Variants in ZMYM1 observed in about 807,000 individuals in gnomAD.
The protein encoded by ZMYM1 is zinc finger MYM-type containing 1, also known as zinc finger MYM-type protein 1.
Under a neutral mutation model 60.0 loss-of-function variants are expected in ZMYM1, and 39 were observed. That is an observed-to-expected ratio of 0.65 (90% CI 0.50 to 0.85). The LOEUF (loss-of-function observed/expected upper bound fraction) is 0.85. Among genes scored for constraint, ZMYM1 ranks in the 40% least tolerant of loss-of-function variants. The probability of loss-of-function intolerance (pLI) is 0.00; values close to 1 mark genes in which losing one functional copy is unlikely to be tolerated. For synonymous variants in ZMYM1, 413 were observed against 454.0 expected, an observed-to-expected ratio of 0.91 and a Z score of 1.15; for missense variants, 1,171 against 1,309.5, an observed-to-expected ratio of 0.89 and a Z score of 1.63.
chr1:35,111,337 G>A (rs912225404), intron 7 of ZMYM1, among the ~76,000 whole-genome samples: 1 of 152,142 alleles, frequency 6.6e-6, no homozygotes, highest in Non-Finnish European at 1.5e-5. Context: ...AAACTGGCTT[G>A]TTACAGAAAT....
chr1:35,084,479 A>T (rs898259590), intron 1 of ZMYM1, among the ~76,000 whole-genome samples: 2 of 152,180 alleles, frequency 1.3e-5, no homozygotes, highest in Non-Finnish European at 2.9e-5. Flanking sequence ...GATGACATTG[A>T]TCCTGTTGAG....
chr1:35,097,619 A>T, intron 4 of ZMYM1, 53 bp downstream of exon 4: 1 of 1,590,602 alleles, frequency 6.3e-7, no homozygotes, highest in South Asian at 1.1e-5. Flanking sequence ...GTTCTTGATC[A>T]TAGTCTTAGT....
At chr1:35,061,978 C>T (rs1007324006) in intron 1 of ZMYM1, among the ~76,000 whole-genome samples, 41 of 151,650 alleles carry the variant, frequency 2.7e-4, no homozygotes, top group African/African-American at 9.2e-4. Flanking sequence ...TACAAGCACG[C>T]GTCACCATGC....
In ZMYM1 at chr1:35,104,731, T is replaced by C; in HGVS notation, c.769T>C (p.Tyr257His). The change falls in exon 6 of 10, where the codon TAC becomes CAC. Residue 257 changes from tyrosine to histidine, a missense_variant. By Grantham distance (83) the Tyr-to-His change is moderately conservative (BLOSUM62 2). Transcript: ENST00000359858. ...ACTTCAGATGGAAGGACAGTCTCAT[T>C]ACTTTAATAGTTCAAAGAGTATTAC... The part of the protein sequence containing the change: ...HILQMEGQSH[Y>H]FNSSKSITAY... 1 of 1,614,190 alleles carries C rather than the reference T, an allele frequency of 6.2e-7. No homozygotes were observed.
At chr1:35,110,472 G>A (rs751519078) in intron 7 of ZMYM1, 25 bp downstream of exon 7, 1 of 1,408,710 alleles carries the variant, frequency 7.1e-7, no homozygotes, top group South Asian at 1.9e-5. Flanking sequence ...GCAATTGTAG[G>A]GGTTTAGTAA....
At chr1:35,088,446 ATATATATATGTGTGTGTGTGTGTG>A (rs1642788602) in intron 1 of ZMYM1, among the ~76,000 whole-genome samples, 1 of 116,312 alleles carries the variant, frequency 8.6e-6, no homozygotes, top group African/African-American at 3.5e-5. Flanking sequence ...ATATATATAT[ATATATATATGTGTGTGTGTGTGTG>A]TGTGTGTGTG....
intron 1 of ZMYM1, among the ~76,000 whole-genome samples, chr1:35,063,120 C>G (rs1027797820): frequency 6.7e-6 from 1 of 148,244 alleles, no homozygotes; most frequent in African/African-American, 2.6e-5. Flanking sequence ...ATAGGTCAAG[C>G]CTTTTCTTTT....
chr1:35,097,780 G>A (rs1643415054), intron 4 of ZMYM1: 3 of 548,966 alleles, frequency 5.5e-6, no homozygotes, highest in Non-Finnish European at 6.4e-6. Context: ...AAGTAGCTGG[G>A]ATTACAGCCA....
At chr1:35,073,652 AAAAGG>A (rs1290820894) in intron 1 of ZMYM1, among the ~76,000 whole-genome samples, 2 of 151,862 alleles carry the variant, frequency 1.3e-5, no homozygotes, top group Non-Finnish European at 2.9e-5. Context: ...AGAAAAGAAA[AAAAGG>A]AAAGGAAAGG....
At chr1:35,077,544 G>T (rs1642187833), upstream of ZMYM1, among the ~76,000 whole-genome samples, 1 of 152,134 alleles carries the variant, frequency 6.6e-6, no homozygotes. Flanking sequence ...TCCCTAAACT[G>T]CTCCTGAGAC....
chr1:35,093,074 C>T (rs545115917), intron 1 of ZMYM1, among the ~76,000 whole-genome samples: 16 of 151,926 alleles, frequency 1.1e-4, no homozygotes, highest in Admixed American at 3.9e-4. Context: ...TAAAAGACCT[C>T]GGAGTAAGAA....
intron 1 of ZMYM1, among the ~76,000 whole-genome samples, chr1:35,065,318 C>A (rs1156461160): frequency 2.0e-5 from 3 of 151,784 alleles, no homozygotes; most frequent in Non-Finnish European, 4.4e-5. Context: ...ACTTTTATGA[C>A]CCATTTACAC....
At chr1:35,085,912 A>G (rs998040443) in intron 1 of ZMYM1, among the ~76,000 whole-genome samples, 19 of 152,226 alleles carry the variant, frequency 1.2e-4, no homozygotes, top group Non-Finnish European at 2.5e-4. Flanking sequence ...TTTAAAAGTT[A>G]TAAATTAAGC....
upstream of ZMYM1, among the ~76,000 whole-genome samples, chr1:35,074,848 C>CAT (rs1414310906): frequency 1.8e-5 from 2 of 109,784 alleles, no homozygotes; most frequent in Non-Finnish European, 3.4e-5. Flanking sequence ...GTGTTGGACA[C>CAT]ATATATATTT....
chr1:35,089,412 A>G (rs569785672), intron 1 of ZMYM1, among the ~76,000 whole-genome samples: 1 of 152,264 alleles, frequency 6.6e-6, no homozygotes, highest in South Asian at 2.1e-4. Context: ...CAGAGGCTGT[A>G]TGAGCTATTT....
At chr1:35,076,627 AAAAG>A (rs1455167728), upstream of ZMYM1, among the ~76,000 whole-genome samples, 16 of 151,856 alleles carry the variant, frequency 1.1e-4, 1 homozygote, top group Non-Finnish European at 1.9e-4. Flanking sequence ...TCTCAAAAAA[AAAAG>A]AAAGGAAAAC....
chr1:35,100,196 T>C lies in ZMYM1; in HGVS notation c.419+2630T>C, dbSNP rs573771996. Among the ~76,000 whole-genome samples, 14 of 152,174 alleles carry C rather than the reference T, an allele frequency of 9.2e-5. 1 individual carries two copies. In the South Asian group the frequency reaches 1.9e-3, roughly 20 times the overall value. On this transcript the variant is annotated intron_variant, in intron 4 of 9. Transcript: ENST00000359858. ...ATGAGCCACCACGCCCTGCCTGATT[T>C]TTAGTTACTTTTTAAGATTTCTTTT...
At position 35,115,000 on chromosome 1, in the gene ZMYM1, A is replaced by T; in HGVS notation, c.3170A>T (p.His1057Leu). 6.2e-7 allele frequency: 1 copy of T among 1,614,102 alleles called. No individual in the cohort carries two copies. The highest frequency in any genetic ancestry group is 8.5e-7 in the Non-Finnish European group (1 of 1,179,948). ...FVSLGCLFIQ[H>L]GLHSNIPCLS... The stretch of plus-strand genomic sequence containing the variant: ...AGTCTCGGCTGTTTGTTTATTCAGC[A>T]TGGTCTTCACAGTAATATTCCTTGT... Residue 1057 changes from histidine (H) to leucine (L), a missense_variant, in exon 10 of 10, where the codon CAT becomes CTT. Coordinates refer to ENST00000359858, the MANE Select transcript of ZMYM1 (RefSeq NM_024772.5).
At chr1:35,060,064 A>G (rs1054313289) in intron 1 of ZMYM1, 1 of 152,056 alleles carries the variant, frequency 6.6e-6, no homozygotes, top group Admixed American at 6.6e-5. Context: ...CTAGATACAT[A>G]TAGATGGATG....
Sources: gnomAD v4.1 joint callset for allele counts (sites outside exome capture counted in the v4.1 genomes callset) on GRCh38, gnomAD v4.1.1 for gene constraint, MANE v1.5 for transcripts, NCBI Gene and HGNC (gene_info 2026-07-23, HGNC 2026-07-21) for gene names.